MICAL2: variants seen among roughly 807,000 people sequenced by gnomAD.
MICAL2 encodes [F-actin]-monooxygenase MICAL2.
A neutral mutation model predicts 127.3 loss-of-function variants in MICAL2; 77 were observed. The observed-to-expected ratio is 0.60, with a 90% CI of 0.50 to 0.73. The LOEUF (loss-of-function observed/expected upper bound fraction) is 0.73. MICAL2 is among the 30% of genes least tolerant of loss of function. The pLI is 0.00. For synonymous variants in MICAL2, 570 were observed against 551.1 expected (o/e 1.03, Z -0.48); for missense variants, 1,351 against 1,434.4 (o/e 0.94, Z 0.94).
At chr11:12,171,637 G>T (rs1185181040) in intron 3 of MICAL2, among the ~76,000 whole-genome samples, 1 of 152,182 alleles carries the variant, frequency 6.6e-6, no homozygotes, top group African/African-American at 2.4e-5. Context: ...CGCTGAATTT[G>T]TAAGAGTGCA....
At chr11:12,286,931 G>A in intron 2 of MICAL2, 1 of 391,122 alleles carries the variant, frequency 2.6e-6, no homozygotes, top group Non-Finnish European at 4.5e-6. Flanking sequence ...GGGGACAGCA[G>A]TATGGTGTGA....
At chr11:12,218,806 G>C (rs772901376) in intron 8 of MICAL2, among the ~76,000 whole-genome samples, 114 of 152,214 alleles carry the variant, frequency 7.5e-4, no homozygotes, top group African/African-American at 3.4e-4. Context: ...AATTGAGGCA[G>C]TGGTCACTCT....
intron 21 of MICAL2, among the ~76,000 whole-genome samples, chr11:12,246,665 A>T (rs1860792828): frequency 6.6e-6 from 1 of 152,112 alleles, no homozygotes; most frequent in Admixed American, 6.6e-5. Context: ...CAGTGGTATG[A>T]TCATAGCTCA....
At chr11:12,211,653 T>C (rs541978401) in intron 6 of MICAL2, among the ~76,000 whole-genome samples, 44 of 152,184 alleles carry the variant, frequency 2.9e-4, no homozygotes, top group African/African-American at 9.6e-4. Context: ...GACACACTGT[T>C]GAAAAGTGGC....
intron 32 of MICAL2, among the ~76,000 whole-genome samples, chr11:12,329,667 G>A (rs1864392221): frequency 6.6e-6 from 1 of 152,080 alleles, no homozygotes; most frequent in Non-Finnish European, 1.5e-5. Context: ...GTGTTGATAG[G>A]CAAAGTCTCT....
intron 3 of MICAL2, among the ~76,000 whole-genome samples, chr11:12,193,855 C>G (rs537305305): frequency 6.6e-6 from 1 of 152,222 alleles, no homozygotes; most frequent in South Asian, 2.1e-4. Context: ...TTTGAATGAA[C>G]TGATACATGT....
chr11:12,234,172 G>A (rs1448412402), intron 15 of MICAL2, among the ~76,000 whole-genome samples: 1 of 152,122 alleles, frequency 6.6e-6, no homozygotes, highest in Non-Finnish European at 1.5e-5. Context: ...TAAGCCCATG[G>A]CTAATATGGC....
chr11:12,358,288 T>C (rs1939158906), intron 34 of MICAL2: 2 of 1,611,746 alleles, frequency 1.2e-6, no homozygotes, highest in South Asian at 2.2e-5. Flanking sequence ...TTCTTTTTTT[T>C]CTTTAGAGAG....
At chr11:12,214,973 T>C (rs1280369809) in intron 7 of MICAL2, among the ~76,000 whole-genome samples, 1 of 152,230 alleles carries the variant, frequency 6.6e-6, no homozygotes, top group Non-Finnish European at 1.5e-5. Flanking sequence ...ATTGTACTTC[T>C]CACTGGCCTG....
chr11:12,125,301 T>G (rs1366621064), intron 1 of MICAL2, among the ~76,000 whole-genome samples: 5 of 152,386 alleles, frequency 3.3e-5, no homozygotes, highest in Middle Eastern at 3.4e-3. Context: ...TCACCCAGGA[T>G]GGAGTGCAGT....
chr11:12,153,773 C>T (rs557185426), intron 2 of MICAL2, among the ~76,000 whole-genome samples: 3 of 152,332 alleles, frequency 2.0e-5, no homozygotes, highest in South Asian at 4.1e-4. Context: ...TTATTGTGGT[C>T]ACCTCTCACT....
At chr11:12,215,147 A>G (rs1053658783) in intron 7 of MICAL2, among the ~76,000 whole-genome samples, 3 of 152,182 alleles carry the variant, frequency 2.0e-5, no homozygotes, top group African/African-American at 4.8e-5. Flanking sequence ...TACTTAAGCC[A>G]CTCAATATAA....
chr11:12,347,224 C>T (rs1032696464), intron 32 of MICAL2, among the ~76,000 whole-genome samples: 4 of 152,168 alleles, frequency 2.6e-5, no homozygotes, highest in African/African-American at 7.2e-5. Flanking sequence ...TCAGAAAGTC[C>T]AGCCTCACAC....
chr11:12,310,111 T>C (rs1442713161), intron 29 of MICAL2, among the ~76,000 whole-genome samples: 1 of 152,180 alleles, frequency 6.6e-6, no homozygotes, highest in Non-Finnish European at 1.5e-5. Flanking sequence ...AAACATTCTC[T>C]CTCATTCTTT....
At chr11:12,272,721 A>G (rs182141854), upstream of MICAL2, among the ~76,000 whole-genome samples, 59 of 152,304 alleles carry the variant, frequency 3.9e-4, no homozygotes, top group African/African-American at 1.3e-3. Flanking sequence ...GGAGGCCCCA[A>G]GGGATTGACT....
chr11:12,204,304 T>C lies in MICAL2; in HGVS notation c.319T>C (p.Tyr107His), dbSNP rs1415222583. Residue 107 changes from tyrosine to histidine, a missense_variant, in exon 4 of 28, where the codon TAC (tyrosine) becomes CAC (histidine). Tyr to His is a moderately conservative substitution (Grantham distance 83). Transcript: ENST00000683283. ...CTTGCGCACTGCCATTGAACTTGCC[T>C]ACCTGGGAGCCAAAGTGGTCGTGGT... is the stretch of plus-strand genomic sequence containing the variant. Reference protein sequence around the residue: ...CGLRTAIELAYLGAKVVVVEK... With the variant: ...CGLRTAIELAHLGAKVVVVEK... 6.2e-7 allele frequency: 1 copy of C among 1,614,060 alleles called. No individual in the cohort carries two copies. Among genetic ancestry groups the C allele is most frequent in the Non-Finnish European group, 8.5e-7 (1 of 1,180,042 alleles).
chr11:12,242,509 G>T (rs997445033), intron 19 of MICAL2, 77 bp downstream of exon 19: 13 of 1,516,518 alleles, frequency 8.6e-6, no homozygotes, highest in Non-Finnish European at 1.2e-5. Context: ...TCCTACCCGG[G>T]TGGGTTCCTC....
intron 23 of MICAL2, 165 bp from the exon 24 acceptor site, chr11:12,256,620 G>A (rs1862359121): frequency 4.7e-6 from 3 of 634,388 alleles, no homozygotes; most frequent in Non-Finnish European, 7.9e-6. Flanking sequence ...GTCTGGGTTG[G>A]GGGTGTATCT....
rs549577833 is a variant in MICAL2, at chr11:12,217,243, G to A, written c.948+924G>A. On this transcript the variant is annotated intron_variant, in intron 8 of 27. Coordinates refer to ENST00000683283, the MANE Select transcript of MICAL2 (RefSeq NM_001282663.2). Reference sequence around the variant, plus strand: ...TGTCAGCCTGGAGCCCAGGCAGCACGGTGGCCATTCATTGCTGCTTGTCAG... The same window carrying A: ...TGTCAGCCTGGAGCCCAGGCAGCACAGTGGCCATTCATTGCTGCTTGTCAG... 2.0e-5 allele frequency among the ~76,000 whole-genome samples: 3 copies of A among 152,318 alleles called. No individual in the cohort carries two copies. The South Asian group carries it at 6.2e-4, about 32-fold the overall frequency.
Sources: allele counts gnomAD v4.1 joint callset (sites outside exome capture counted in the v4.1 genomes callset), GRCh38; gene constraint gnomAD v4.1.1; transcripts MANE v1.5; gene names NCBI Gene and HGNC (gene_info 2026-07-23, HGNC 2026-07-21).